The following LRRIQ3 variants were observed in gnomAD, a reference collection of about 807,000 sequenced individuals.
LRRIQ3 encodes leucine rich repeats and IQ motif containing 3.
LRRIQ3 carries 75 observed loss-of-function variants against 59.3 expected under a neutral mutation model. The ratio of observed to expected loss-of-function variants is 1.26; its 90% CI spans 1.05 to 1.53. The LOEUF (loss-of-function observed/expected upper bound fraction) is 1.53, where lower values mean the gene tolerates loss of function less well. Among genes scored for constraint, LRRIQ3 ranks in the 40% most tolerant of loss-of-function variants. LRRIQ3 has a pLI of 0.00. For missense variants in LRRIQ3, 831 were observed against 710.0 expected, an observed-to-expected ratio of 1.17 and a Z score of -1.94; for synonymous variants, 250 against 231.3, an observed-to-expected ratio of 1.08 and a Z score of -0.73.
intron 7 of LRRIQ3, among the ~76,000 whole-genome samples, chr1:74,027,212 G>A (rs942262103): frequency 1.3e-5 from 2 of 151,882 alleles, no homozygotes; most frequent in African/African-American, 4.8e-5. Flanking sequence ...TTCCAAAGAG[G>A]CATCTAAACT....
chr1:74,125,621 G>T (rs970799033), intron 4 of LRRIQ3, among the ~76,000 whole-genome samples: 4 of 151,680 alleles, frequency 2.6e-5, no homozygotes, highest in Non-Finnish European at 5.9e-5. Context: ...TATAATTTTT[G>T]TCCTTCAATT....
chr1:74,171,050 T>C (rs1649292962), intron 3 of LRRIQ3, among the ~76,000 whole-genome samples: 2 of 152,186 alleles, frequency 1.3e-5, no homozygotes, highest in Admixed American at 1.3e-4. Flanking sequence ...AACAGTATTC[T>C]TGTAGCATGT....
At chr1:74,096,683 C>T (rs1557612618) in intron 5 of LRRIQ3, among the ~76,000 whole-genome samples, 1 of 152,048 alleles carries the variant, frequency 6.6e-6, no homozygotes, top group Non-Finnish European at 1.5e-5. Flanking sequence ...GTGGTTTTAT[C>T]TACCTTTGGT....
chr1:74,164,179 C>A (rs1466677117), intron 3 of LRRIQ3, among the ~76,000 whole-genome samples: 1 of 150,950 alleles, frequency 6.6e-6, no homozygotes, highest in African/African-American at 2.4e-5. Flanking sequence ...ATATACTAGT[C>A]TTTTTTCAGA....
At chr1:74,085,335 A>T (rs890322292) in intron 5 of LRRIQ3, among the ~76,000 whole-genome samples, 16 of 151,612 alleles carry the variant, frequency 1.1e-4, no homozygotes, top group South Asian at 4.1e-4. Flanking sequence ...AAAAAAAAAA[A>T]AAAAATAAAA....
chr1:74,040,421 C>T (rs1175695036), intron 7 of LRRIQ3, among the ~76,000 whole-genome samples: 1 of 152,174 alleles, frequency 6.6e-6, no homozygotes, highest in Non-Finnish European at 1.5e-5. Context: ...GACTTTAACA[C>T]AGCTCTGGAT....
chr1:74,181,480 A>G (rs1260775049), intron 3 of LRRIQ3: 2 of 151,842 alleles, frequency 1.3e-5, no homozygotes, highest in Non-Finnish European at 3.0e-5. Context: ...CCCACTGCCC[A>G]ACTTTCCATT....
At chr1:74,132,113 C>A (rs1364206329) in intron 4 of LRRIQ3, among the ~76,000 whole-genome samples, 1 of 152,182 alleles carries the variant, frequency 6.6e-6, no homozygotes, top group Middle Eastern at 3.4e-3. Flanking sequence ...TGAGTGAACT[C>A]CCATTCACAA....
rs1184623410 is a variant in LRRIQ3 at position 74,099,080 on chromosome 1, C to A, written c.867+10314G>T. 3.3e-5 allele frequency among the ~76,000 whole-genome samples: 5 copies of A among 151,880 alleles called. No homozygotes were observed. In the South Asian group the frequency reaches 8.3e-4, roughly 25 times the overall value. ...AGAGCAGAATTGAAGGAGATAGAGA[C>A]ACAAAAAAAACCTTCAAAAAATCAA... On this transcript the variant is annotated intron_variant, in intron 5 of 7. Coordinates refer to ENST00000354431, the MANE Select transcript of LRRIQ3 (RefSeq NM_001105659.2).
At chr1:74,159,335 T>G (rs986413444) in intron 3 of LRRIQ3, among the ~76,000 whole-genome samples, 5 of 152,182 alleles carry the variant, frequency 3.3e-5, no homozygotes, top group Admixed American at 2.0e-4. Context: ...CTCACCAAAT[T>G]TAACAACTCT....
chr1:74,076,200 T>A (rs1238940171), intron 5 of LRRIQ3, among the ~76,000 whole-genome samples: 2 of 152,160 alleles, frequency 1.3e-5, no homozygotes, highest in Admixed American at 1.3e-4. Flanking sequence ...ATATGATACT[T>A]TCTTTGGTAA....
At chr1:74,107,648 G>C (rs1646633900) in intron 5 of LRRIQ3, among the ~76,000 whole-genome samples, 1 of 150,270 alleles carries the variant, frequency 6.7e-6, no homozygotes, top group Admixed American at 6.6e-5. Flanking sequence ...AACTAAGTGA[G>C]CTGAAGAGGA....
rs577465870 is a variant in LRRIQ3, at chr1:74,032,318, T to C, written c.1719-5349A>G. ...TTCCACATAACAATTTACCCATAAA[T>C]GTATTGGCTTACAACAACCACCTTA... On this transcript the variant is annotated intron_variant, in intron 7 of 7. Transcript: ENST00000354431. Among the ~76,000 whole-genome samples, 98 of 152,150 alleles carry C rather than the reference T, an allele frequency of 6.4e-4. 1 individual carries two copies. The South Asian group carries it at 0.018, about 27-fold the overall frequency.
chr1:74,174,944 G>T (rs997609656), intron 3 of LRRIQ3, among the ~76,000 whole-genome samples: 5 of 152,206 alleles, frequency 3.3e-5, no homozygotes, highest in Non-Finnish European at 7.3e-5. Flanking sequence ...TTTGATGGTA[G>T]AATGTTTCCC....
chr1:74,029,150 T>C (rs2100351964), intron 7 of LRRIQ3, among the ~76,000 whole-genome samples: 1 of 152,238 alleles, frequency 6.6e-6, no homozygotes, highest in East Asian at 1.9e-4. Context: ...TACAATCACG[T>C]CATCTGCAAA....
chr1:74,130,575 T>C (rs1646999394), intron 4 of LRRIQ3, among the ~76,000 whole-genome samples: 2 of 152,094 alleles, frequency 1.3e-5, no homozygotes, highest in South Asian at 2.1e-4. Context: ...AATATAGTGA[T>C]CACTCACTTG....
At chr1:74,191,245 A>G (rs1238171447) in intron 1 of LRRIQ3, among the ~76,000 whole-genome samples, 1 of 152,164 alleles carries the variant, frequency 6.6e-6, no homozygotes, top group Non-Finnish European at 1.5e-5. Context: ...TCTGTTAGAT[A>G]AATATTGAAG....
At chr1:74,099,375 A>G (rs1250734247) in intron 5 of LRRIQ3, among the ~76,000 whole-genome samples, 1 of 152,208 alleles carries the variant, frequency 6.6e-6, no homozygotes, top group East Asian at 1.9e-4. Flanking sequence ...GAATCCCTGA[A>G]TAGACCAATA....
intron 3 of LRRIQ3, among the ~76,000 whole-genome samples, chr1:74,166,874 G>A (rs1441437674): frequency 1.3e-5 from 2 of 151,536 alleles, no homozygotes; most frequent in Admixed American, 1.3e-4. Context: ...TAATTGTCAG[G>A]AAAACACAAA....
Sources: allele counts gnomAD v4.1 joint callset (sites outside exome capture counted in the v4.1 genomes callset), GRCh38; gene constraint gnomAD v4.1.1; transcripts MANE v1.5; gene names NCBI Gene and HGNC (gene_info 2026-07-23, HGNC 2026-07-21).